The following ENTREP2 variants were observed in gnomAD, a reference collection of about 807,000 sequenced individuals.
The protein encoded by ENTREP2 is protein ENTREP2.
At chr15:29,588,998 AAAAAAAG>A in the ENTREP2 span, among the ~76,000 whole-genome samples, 4 of 152,150 alleles carry the variant, frequency 2.6e-5, no homozygotes, top group South Asian at 2.1e-4. Context: ...TCAGAAAAAA[AAAAAAAG>A]AAAAAAGAAA....
the ENTREP2 span, among the ~76,000 whole-genome samples, chr15:29,424,476 G>T: frequency 6.6e-6 from 1 of 152,104 alleles, no homozygotes. Flanking sequence ...TGACCCAGAA[G>T]CCCAACTTGG....
the ENTREP2 span, among the ~76,000 whole-genome samples, chr15:29,118,583 C>T: frequency 6.6e-6 from 1 of 152,220 alleles, no homozygotes; most frequent in African/African-American, 2.4e-5. Flanking sequence ...GTTCTTGACC[C>T]ACTTGCCCCA....
chr15:29,479,359 C>T, the ENTREP2 span, among the ~76,000 whole-genome samples: 2 of 152,108 alleles, frequency 1.3e-5, no homozygotes, highest in Non-Finnish European at 1.5e-5. Context: ...TCCTGCACAG[C>T]CTGCAGAACC....
chr15:29,553,743 AGTATACAC>A, the ENTREP2 span, among the ~76,000 whole-genome samples: 1 of 152,186 alleles, frequency 6.6e-6, no homozygotes, highest in Non-Finnish European at 1.5e-5. Context: ...AGGAGCTACA[AGTATACAC>A]GTGGCTGAGG....
the ENTREP2 span, among the ~76,000 whole-genome samples, chr15:29,603,415 A>G: frequency 0.48 from 73,527 of 151,890 alleles, 20,819 homozygotes; most frequent in African/African-American, 0.8. Flanking sequence ...AGCCCTCTGG[A>G]GGAGTCTGCC....
chr15:29,305,658 A>G, the ENTREP2 span, among the ~76,000 whole-genome samples: 1 of 152,218 alleles, frequency 6.6e-6, no homozygotes, highest in Non-Finnish European at 1.5e-5. Flanking sequence ...GGCAGTATCC[A>G]TTACTGGGAC....
At chr15:29,259,211 A>G in the ENTREP2 span, among the ~76,000 whole-genome samples, 8 of 152,244 alleles carry the variant, frequency 5.3e-5, no homozygotes, top group Admixed American at 2.0e-4. Context: ...AAAAGTCACT[A>G]AAGAAATGGA....
At chr15:29,381,039 G>T in the ENTREP2 span, among the ~76,000 whole-genome samples, 1 of 151,560 alleles carries the variant, frequency 6.6e-6, no homozygotes, top group Admixed American at 6.6e-5. Context: ...TTTTAGTAGA[G>T]ATGGGGTTTC....
chr15:29,346,836 C>T, the ENTREP2 span, among the ~76,000 whole-genome samples: 1 of 151,994 alleles, frequency 6.6e-6, no homozygotes, highest in Admixed American at 6.5e-5. Context: ...GATTTTTGGC[C>T]ACACACTAAA....
the ENTREP2 span, among the ~76,000 whole-genome samples, chr15:29,181,028 A>G: frequency 4.6e-5 from 7 of 151,828 alleles, no homozygotes; most frequent in African/African-American, 1.7e-4. Flanking sequence ...TGGTTCTTTG[A>G]AAAAAAACTG....
chr15:29,256,568 A>G, the ENTREP2 span, among the ~76,000 whole-genome samples: 1 of 152,190 alleles, frequency 6.6e-6, no homozygotes, highest in Non-Finnish European at 1.5e-5. Context: ...ATTTCTTTTT[A>G]TTCTTACATT....
the ENTREP2 span, among the ~76,000 whole-genome samples, chr15:29,603,334 G>A: frequency 2.0e-5 from 3 of 152,266 alleles, no homozygotes; most frequent in Non-Finnish European, 4.4e-5. Context: ...GTTAGAACAC[G>A]AATTCTCAGG....
At chr15:29,479,775 C>A in the ENTREP2 span, among the ~76,000 whole-genome samples, 2 of 151,986 alleles carry the variant, frequency 1.3e-5, no homozygotes, top group African/African-American at 4.8e-5. Flanking sequence ...GAGAGATCTG[C>A]CAGGAATCTT....
At chr15:29,356,965 C>T in the ENTREP2 span, among the ~76,000 whole-genome samples, 1 of 152,040 alleles carries the variant, frequency 6.6e-6, no homozygotes, top group African/African-American at 2.4e-5. Flanking sequence ...GGCCCTTCCT[C>T]CTCACAGGTA....
At chr15:29,626,144 T>C in the ENTREP2 span, among the ~76,000 whole-genome samples, 1 of 152,200 alleles carries the variant, frequency 6.6e-6, no homozygotes, top group Non-Finnish European at 1.5e-5. Flanking sequence ...TGCTAGTACA[T>C]AAAAATACAA....
At chr15:29,581,115 G>T in the ENTREP2 span, among the ~76,000 whole-genome samples, 1 of 151,984 alleles carries the variant, frequency 6.6e-6, no homozygotes. Flanking sequence ...AATATCTTTA[G>T]AATAAACAGA....
At chr15:29,152,944 A>G in the ENTREP2 span, among the ~76,000 whole-genome samples, 1 of 152,212 alleles carries the variant, frequency 6.6e-6, no homozygotes, top group Non-Finnish European at 1.5e-5. Flanking sequence ...CATGATTGCC[A>G]ACATTTGGTG....
At chr15:29,629,833 T>C in the ENTREP2 span, among the ~76,000 whole-genome samples, 7 of 152,112 alleles carry the variant, frequency 4.6e-5, no homozygotes, top group African/African-American at 1.7e-4. Flanking sequence ...AAAAGTAGAT[T>C]TGGCTGGGCA....
chr15:29,202,040 T>C, the ENTREP2 span, among the ~76,000 whole-genome samples: 1 of 152,208 alleles, frequency 6.6e-6, no homozygotes, highest in African/African-American at 2.4e-5. Context: ...TTCATCTAAG[T>C]TGTGAAGTTC....
Sources: gnomAD v4.1 joint callset for allele counts (sites outside exome capture counted in the v4.1 genomes callset) on GRCh38, gnomAD v4.1.1 for gene constraint, MANE v1.5 for transcripts, NCBI Gene and HGNC (gene_info 2026-07-23, HGNC 2026-07-21) for gene names.